Variants in GABRA2 observed in about 807,000 individuals in gnomAD.
GABRA2 encodes gamma-aminobutyric acid receptor subunit alpha-2.
GABRA2 carries 16 observed loss-of-function variants against 48.7 expected under a neutral mutation model. The ratio of observed to expected loss-of-function variants is 0.33; its 90% CI spans 0.22 to 0.50. The LOEUF is 0.50. GABRA2 is among the 20% of genes least tolerant of loss of function. The probability of loss-of-function intolerance (pLI) is 0.98; values close to 1 mark genes in which losing one functional copy is unlikely to be tolerated. For synonymous variants in GABRA2, 185 were observed against 184.5 expected (o/e 1.00, Z -0.02); for missense variants, 275 against 535.6 (o/e 0.51, Z 4.80).
At chr4:46,377,347 C>T (rs1406057919) in intron 3 of GABRA2, among the ~76,000 whole-genome samples, 2 of 151,434 alleles carry the variant, frequency 1.3e-5, no homozygotes, top group African/African-American at 2.4e-5. Context: ...TCTGCCCAGC[C>T]GCCCATCGTC....
chr4:46,314,073 T>C (rs1728140364), intron 4 of GABRA2, among the ~76,000 whole-genome samples: 2 of 152,106 alleles, frequency 1.3e-5, no homozygotes, highest in South Asian at 4.1e-4. Flanking sequence ...TATAACCTAG[T>C]GAGCGTGGGC....
chr4:46,305,930 G>T (rs2109645640), intron 6 of GABRA2, among the ~76,000 whole-genome samples: 1 of 152,206 alleles, frequency 6.6e-6, no homozygotes, highest in African/African-American at 2.4e-5. Context: ...TATATTCATT[G>T]CAACCACTTT....
chr4:46,338,633 G>A (rs531944121), intron 3 of GABRA2, among the ~76,000 whole-genome samples: 185 of 151,866 alleles, frequency 1.2e-3, no homozygotes, highest in Non-Finnish European at 1.8e-3. Flanking sequence ...ATTTTCTGTC[G>A]TCCATATGTG....
At chr4:46,300,853 C>A (rs1429163833) in intron 8 of GABRA2, among the ~76,000 whole-genome samples, 3 of 151,960 alleles carry the variant, frequency 2.0e-5, no homozygotes, top group Non-Finnish European at 4.4e-5. Context: ...ATACTGTCTT[C>A]TTTTAAAATA....
intron 8 of GABRA2, among the ~76,000 whole-genome samples, chr4:46,291,055 T>A (rs1447483525): frequency 6.6e-6 from 1 of 152,192 alleles, no homozygotes; most frequent in Non-Finnish European, 1.5e-5. Context: ...TCTTCAGGTA[T>A]CTTTGTCTGT....
intron 8 of GABRA2, among the ~76,000 whole-genome samples, chr4:46,289,688 CCT>C (rs1244386420): frequency 6.6e-6 from 1 of 152,062 alleles, no homozygotes; most frequent in Non-Finnish European, 1.5e-5. Flanking sequence ...GCACTATTCC[CCT>C]GAACATAAAT....
At chr4:46,299,886 T>G (rs1725441063) in intron 8 of GABRA2, among the ~76,000 whole-genome samples, 1 of 151,838 alleles carries the variant, frequency 6.6e-6, no homozygotes, top group African/African-American at 2.4e-5. Context: ...TTAGACGAGA[T>G]ACCTAAAACT....
chr4:46,330,264 T>G (rs1183555816), intron 4 of GABRA2, among the ~76,000 whole-genome samples: 6 of 152,120 alleles, frequency 3.9e-5, no homozygotes, highest in Admixed American at 3.9e-4. Context: ...TTGGGTTCAA[T>G]TTACAGATAA....
chr4:46,348,252 A>G (rs1171220322), intron 3 of GABRA2, among the ~76,000 whole-genome samples: 4 of 151,964 alleles, frequency 2.6e-5, no homozygotes, highest in Non-Finnish European at 5.9e-5. Flanking sequence ...TTAGAATGGC[A>G]GTCATTAAAA....
At chr4:46,359,697 C>T (rs1203560905) in intron 3 of GABRA2, among the ~76,000 whole-genome samples, 1 of 152,018 alleles carries the variant, frequency 6.6e-6, no homozygotes, top group Non-Finnish European at 1.5e-5. Flanking sequence ...GCAGACGGAT[C>T]ATGAGGTCAG....
intron 7 of GABRA2, among the ~76,000 whole-genome samples, chr4:46,304,618 A>C (rs1726321195): frequency 6.6e-6 from 1 of 152,020 alleles, no homozygotes; most frequent in Non-Finnish European, 1.5e-5. Flanking sequence ...GGGGTGAAAA[A>C]ATAGAAAACT....
At chr4:46,377,728 G>T (rs1716039341) in intron 3 of GABRA2, among the ~76,000 whole-genome samples, 1 of 121,406 alleles carries the variant, frequency 8.2e-6, no homozygotes. Flanking sequence ...CGGGAGGGAG[G>T]TGGGGGGGGT....
At chr4:46,343,133 C>T (rs928406751) in intron 3 of GABRA2, among the ~76,000 whole-genome samples, 8 of 151,996 alleles carry the variant, frequency 5.3e-5, no homozygotes, top group Non-Finnish European at 1.2e-4. Context: ...ATCCCCAATA[C>T]TTTAGATCTC....
intron 3 of GABRA2, among the ~76,000 whole-genome samples, chr4:46,378,262 G>T (rs1716240429): frequency 6.6e-6 from 1 of 152,206 alleles, no homozygotes; most frequent in Non-Finnish European, 1.5e-5. Context: ...TGGTTGCCGT[G>T]TCTGTGTAGA....
chr4:46,349,954 T>C (rs1208122369), intron 3 of GABRA2, among the ~76,000 whole-genome samples: 1 of 151,938 alleles, frequency 6.6e-6, no homozygotes, highest in African/African-American at 2.4e-5. Context: ...TAAGTACTTG[T>C]CATATCTCTT....
intron 4 of GABRA2, among the ~76,000 whole-genome samples, chr4:46,322,530 T>C (rs563642191): frequency 6.6e-6 from 1 of 151,978 alleles, no homozygotes; most frequent in African/African-American, 2.4e-5. Flanking sequence ...CTCTGATTTA[T>C]CATGCTGCAT....
chr4:46,273,854 G>C (rs1719968600), intron 8 of GABRA2, among the ~76,000 whole-genome samples: 1 of 152,020 alleles, frequency 6.6e-6, no homozygotes, highest in African/African-American at 2.4e-5. Flanking sequence ...AAGTGGAAGA[G>C]GGAAGGAGAA....
In GABRA2 at chr4:46,250,271, T is replaced by C. The variant is rs199948875; in HGVS notation, c.*37A>G. The C allele has an allele frequency of 2.6e-6, 4 of 1,559,402 alleles. No individual in the cohort carries two copies. Among genetic ancestry groups the C allele is most frequent in the South Asian group, 1.2e-5 (1 of 84,120 alleles). ...ACATAGCAAAACAAACCAAATTTAA[T>C]GTTGCTATACATCCCAAAGATAACA... On this transcript the variant is annotated 3_prime_UTR_variant, in exon 10 of 10. Coordinates refer to ENST00000381620, the MANE Select transcript of GABRA2 (RefSeq NM_000807.4).
intron 8 of GABRA2, among the ~76,000 whole-genome samples, chr4:46,281,949 G>T (rs772277281): frequency 2.0e-5 from 3 of 152,144 alleles, no homozygotes; most frequent in Non-Finnish European, 4.4e-5. Context: ...AAGCAGGAGA[G>T]AAGGAATGCA....
Sources: allele counts gnomAD v4.1 joint callset (sites outside exome capture counted in the v4.1 genomes callset), GRCh38; gene constraint gnomAD v4.1.1; transcripts MANE v1.5; gene names NCBI Gene and HGNC (gene_info 2026-07-23, HGNC 2026-07-21).